SETD5: variants seen among roughly 807,000 people sequenced by gnomAD.
SETD5 encodes SET domain containing 5, also known as histone-lysine N-methyltransferase SETD5.
A neutral mutation model predicts 153.3 loss-of-function variants in SETD5; 44 were observed. That is an observed-to-expected ratio of 0.29 (90% CI 0.23 to 0.37). SETD5 has a LOEUF of 0.37. SETD5 is among the 10% of genes least tolerant of loss of function. The probability of loss-of-function intolerance (pLI) is 1.00; values close to 1 mark genes in which losing one functional copy is unlikely to be tolerated. For missense variants in SETD5, 1,544 were observed against 1,768.0 expected (o/e 0.87, Z 2.27); for synonymous variants, 716 against 645.2 (o/e 1.11, Z -1.66).
In SETD5 at chr3:9,475,691, C is replaced by T. The variant is rs201582360; in HGVS notation, c.3929C>T (p.Ser1310Leu). Residue 1310 changes from serine (S) to leucine (L), a missense_variant, in exon 23 of 23, where the codon TCG becomes TTG. Transcript: ENST00000402198. ...SSPAHPVSTD[S>L]LAPFTGTPGY... is the part of the protein sequence containing the mutation. ...CCCGCCCACCCTGTGTCCACAGACT[C>T]GTTGGCCCCATTTACGGGGACACCA... 1,895 of 1,613,852 alleles carry T rather than the reference C, an allele frequency of 1.2e-3. 1 individual carries two copies. Among genetic ancestry groups the T allele is most frequent in the Non-Finnish European group, 1.5e-3 (1,745 of 1,179,892 alleles).
chr3:9,411,088 CTTG>C (rs1342634182), intron 1 of SETD5, among the ~76,000 whole-genome samples: 7 of 151,954 alleles, frequency 4.6e-5, no homozygotes, highest in Non-Finnish European at 1.0e-4. Flanking sequence ...AGGGTTTCAC[CTTG>C]TTGTTCAGGC....
At chr3:9,467,452 T>C (rs1575588294) in intron 18 of SETD5, among the ~76,000 whole-genome samples, 1 of 152,126 alleles carries the variant, frequency 6.6e-6, no homozygotes, top group South Asian at 2.1e-4. Context: ...TCCCCTCCTA[T>C]TCTTGCCCTG....
chr3:9,398,584 T>G (rs2125376939), intron 1 of SETD5: 1 of 152,392 alleles, frequency 6.6e-6, no homozygotes. Flanking sequence ...GTGTCTGAGA[T>G]AGCCTCGTTG....
chr3:9,456,488 A>G (rs2043260108), intron 17 of SETD5, among the ~76,000 whole-genome samples: 1 of 151,806 alleles, frequency 6.6e-6, no homozygotes, highest in Non-Finnish European at 1.5e-5. Context: ...CTTAAAAAAA[A>G]AAAAAAAAAC....
intron 18 of SETD5, 73 bp downstream of exon 18, chr3:9,464,745 T>C (rs1212246295): frequency 6.2e-7 from 1 of 1,602,086 alleles, no homozygotes; most frequent in African/African-American, 1.3e-5. Context: ...TCAAATATAA[T>C]ACCATTCCAA....
At chr3:9,456,087 T>A (rs570524667) in intron 17 of SETD5, among the ~76,000 whole-genome samples, 1 of 152,266 alleles carries the variant, frequency 6.6e-6, no homozygotes, top group East Asian at 1.9e-4. Flanking sequence ...CAAAGAGACA[T>A]TAAGAAAGGG....
At chr3:9,474,160 C>A (rs560440209) in intron 20 of SETD5, among the ~76,000 whole-genome samples, 1 of 152,272 alleles carries the variant, frequency 6.6e-6, no homozygotes, top group Admixed American at 6.5e-5. Context: ...GTATCAGGCA[C>A]ATGATTTCCT....
At position 9,476,210 on chromosome 3, in the gene SETD5, T is replaced by C. The variant is rs192905198; in HGVS notation, c.*119T>C. ...CGGGGGGTACAAGGTGCCAGAGGAT[T>C]GGGTCTGGTGGACAAGAAACAAGAC... is the stretch of plus-strand genomic sequence containing the variant. On this transcript the variant is annotated 3_prime_UTR_variant, in exon 23 of 23. Coordinates refer to ENST00000402198, the MANE Select transcript of SETD5 (RefSeq NM_001080517.3). 7 of 1,340,536 alleles carry C rather than the reference T, an allele frequency of 5.2e-6. No individual in the cohort carries two copies. The East Asian group carries it at 1.8e-4, about 34-fold the overall frequency. The allele number at this position is 1,340,536 out of a possible 1,614,324, so 83.0% of individuals were successfully genotyped here. A position where few individuals can be genotyped will look rare whatever the true frequency, so the allele number is the denominator to read the frequency against.
intron 1 of SETD5, among the ~76,000 whole-genome samples, chr3:9,417,443 A>AT (rs1040221684): frequency 1.3e-5 from 2 of 150,346 alleles, no homozygotes; most frequent in Admixed American, 6.6e-5. Flanking sequence ...TGAAGTCCAT[A>AT]TTTTGTCTCC....
At position 9,397,670 on chromosome 3, in the gene SETD5, G is replaced by A. The variant is rs1473064785; in HGVS notation, c.-484G>A. The A allele has an allele frequency of 3.3e-5, 6 of 179,846 alleles. No homozygotes were observed. The highest frequency in any genetic ancestry group is 6.6e-5 in the Non-Finnish European group (6 of 91,128). The allele number at this position is 179,846 out of a possible 1,614,324, so 11.1% of individuals were successfully genotyped here. A position where few individuals can be genotyped will look rare whatever the true frequency, so the allele number is the denominator to read the frequency against. The stretch of plus-strand genomic sequence containing the variant: ...GTGAGCTGCCGCCGCCGCCGCCGCC[G>A]CCGCCGCCGCCGCCGCTGCCGGGGG... On this transcript the variant is annotated 5_prime_UTR_variant, in exon 1 of 23. Coordinates refer to ENST00000402198, the MANE Select transcript of SETD5 (RefSeq NM_001080517.3).
Position 9,466,581 on chromosome 3 carries a change from A to G in SETD5, c.2724+1909A>G, listed in dbSNP as rs185511796. Among the ~76,000 whole-genome samples the G allele has an allele frequency of 1.4e-3, 210 of 152,286 alleles. 8 individuals are homozygous for G. In the East Asian group the frequency reaches 0.025, roughly 18 times the overall value. ...TAAGGAAATTTTACCTTTCTCATCAATAATAGAACAGATTTCACCACCCTG... is the reference window on the plus strand; with the variant it reads ...TAAGGAAATTTTACCTTTCTCATCAGTAATAGAACAGATTTCACCACCCTG... On this transcript the variant is annotated intron_variant, in intron 18 of 22. Coordinates refer to ENST00000402198, the MANE Select transcript of SETD5 (RefSeq NM_001080517.3).
At chr3:9,402,209 G>T (rs1468442495) in intron 1 of SETD5, among the ~76,000 whole-genome samples, 2 of 152,124 alleles carry the variant, frequency 1.3e-5, no homozygotes, top group East Asian at 3.8e-4. Flanking sequence ...TAACTTTGGG[G>T]GGAGGTGCTG....
intron 3 of SETD5, chr3:9,432,295 CT>C: frequency 1.6e-5 from 16 of 985,112 alleles, no homozygotes; most frequent in Non-Finnish European, 1.8e-5. Flanking sequence ...TAATAAGATC[CT>C]TTCTCACAGT....
chr3:9,443,843 A>T (rs1020281501), intron 11 of SETD5, among the ~76,000 whole-genome samples: 2 of 152,158 alleles, frequency 1.3e-5, no homozygotes, highest in Non-Finnish European at 2.9e-5. Context: ...AGGCGGGCGG[A>T]TCACGAGGTC....
In SETD5 at chr3:9,431,271, A is replaced by G. The variant is rs562952753; in HGVS notation, c.71+2262A>G. On this transcript the variant is annotated intron_variant, in intron 3 of 22. Coordinates refer to ENST00000402198, the MANE Select transcript of SETD5 (RefSeq NM_001080517.3). The stretch of plus-strand genomic sequence containing the variant: ...TTTCAGGCATTTTCCAAGAAATGGC[A>G]TGATAGCAGCTGGGTTGCATGTTGT... 236 of 985,412 alleles carry G rather than the reference A, an allele frequency of 2.4e-4. 2 individuals carry two copies. In the African/African-American group the frequency reaches 3.3e-3, roughly 14 times the overall value. 61.0% of individuals were successfully genotyped at this position (985,412 alleles called of 1,614,324 possible). A position where few individuals can be genotyped will look rare whatever the true frequency, so the allele number is the denominator to read the frequency against.
At chr3:9,469,969 C>T (rs553963119) in intron 18 of SETD5, among the ~76,000 whole-genome samples, 189 of 152,264 alleles carry the variant, frequency 1.2e-3, no homozygotes, top group Middle Eastern at 3.4e-3. Context: ...CTTGCCTTTC[C>T]GTCTACCTTC....
chr3:9,432,943 T>G (rs764229526), intron 3 of SETD5, among the ~76,000 whole-genome samples: 3 of 152,212 alleles, frequency 2.0e-5, no homozygotes, highest in Non-Finnish European at 2.9e-5. Flanking sequence ...GCATAGACTT[T>G]GGAGTCAGAC....
chr3:9,436,701 G>A, intron 7 of SETD5: 1 of 629,536 alleles, frequency 1.6e-6, no homozygotes, highest in Non-Finnish European at 2.7e-6. Context: ...CTTGGTAATA[G>A]TTTGGGGAAT....
intron 18 of SETD5, among the ~76,000 whole-genome samples, chr3:9,467,862 T>G (rs978522097): frequency 2.0e-5 from 3 of 151,956 alleles, no homozygotes; most frequent in African/African-American, 7.3e-5. Flanking sequence ...TTGCCAAAAG[T>G]ACAATGGATT....
Sources: gnomAD v4.1 joint callset for allele counts (sites outside exome capture counted in the v4.1 genomes callset) on GRCh38, gnomAD v4.1.1 for gene constraint, MANE v1.5 for transcripts, NCBI Gene and HGNC (gene_info 2026-07-23, HGNC 2026-07-21) for gene names.